The following ZNF805 variants were observed in gnomAD, a reference collection of about 807,000 sequenced individuals.
ZNF805 encodes CTC-444N24.8.
Under a neutral mutation model 13.6 loss-of-function variants are expected in ZNF805, and 7 were observed. The ratio of observed to expected loss-of-function variants is 0.51; its 90% CI spans 0.29 to 0.97. ZNF805 has a LOEUF of 0.97. Ranked by LOEUF, ZNF805 falls within the 50% of genes least tolerant of loss-of-function variation. The pLI is 0.08. For synonymous variants in ZNF805, 293 were observed against 279.8 expected, an observed-to-expected ratio of 1.05 and a Z score of -0.47; for missense variants, 604 against 771.0, an observed-to-expected ratio of 0.78 and a Z score of 2.57.
chr19:57,255,158 A>AAG lies in ZNF805; in HGVS notation c.*455_*456insAG, dbSNP rs939159756. 3 of 169,594 alleles carry AAG rather than the reference A, an allele frequency of 1.8e-5. No individual in the cohort carries two copies. The highest frequency in any genetic ancestry group is 7.2e-5 in the African/African-American group (3 of 41,462). The allele number at this position is 169,594 out of a possible 1,614,324, so 10.5% of individuals were successfully genotyped here. On this transcript the variant is annotated 3_prime_UTR_variant, in exon 4 of 4. Transcript: ENST00000414468. ...CGCACATTTTATTGTACCACTTAATACTGTTTAGGTCTTTGATTTTTTAAA... is the reference window on the plus strand; with the variant it reads ...CGCACATTTTATTGTACCACTTAATAAGCTGTTTAGGTCTTTGATTTTTTAAA...
At position 57,252,447 on chromosome 19, in the gene ZNF805, G is replaced by T. The variant is rs529712563; in HGVS notation, c.254-626G>T. ...TACAGACAAAGCATACAAATTAGAAGAGGACACGGGATGTGGGGCTGAAGG... is the reference window on the plus strand; with the variant it reads ...TACAGACAAAGCATACAAATTAGAATAGGACACGGGATGTGGGGCTGAAGG... On this transcript the variant is annotated intron_variant, in intron 3 of 3. Coordinates refer to ENST00000414468, the MANE Select transcript of ZNF805 (RefSeq NM_001023563.4). Among the ~76,000 whole-genome samples, 26 of 152,268 alleles carry T rather than the reference G, an allele frequency of 1.7e-4. 1 individual carries two copies. The highest frequency in any genetic ancestry group is 6.3e-4 in the African/African-American group (26 of 41,560).
intron 2 of ZNF805, among the ~76,000 whole-genome samples, chr19:57,245,638 G>A (rs2087611413): frequency 6.7e-6 from 1 of 150,214 alleles, no homozygotes. Context: ...AATTAGCCGG[G>A]CGTGGTGGCG....
At chr19:57,245,547 AGATG>A (rs1599987366) in intron 2 of ZNF805, among the ~76,000 whole-genome samples, 4 of 151,404 alleles carry the variant, frequency 2.6e-5, no homozygotes, top group Non-Finnish European at 5.9e-5. Context: ...TGGGAGGCCG[AGATG>A]GGCGGATCAC....
intron 3 of ZNF805, among the ~76,000 whole-genome samples, chr19:57,252,621 G>A (rs1599995002): frequency 2.0e-5 from 3 of 152,164 alleles, no homozygotes; most frequent in East Asian, 1.9e-4. Context: ...ACGGTTAATC[G>A]AGACATTGCC....
intron 1 of ZNF805, among the ~76,000 whole-genome samples, chr19:57,241,929 C>T (rs2087582467): frequency 6.6e-6 from 1 of 152,180 alleles, no homozygotes; most frequent in South Asian, 2.1e-4. Flanking sequence ...TATAGAGAAT[C>T]TGGCAAAGTT....
At chr19:57,246,418 C>T (rs2087619051) in intron 2 of ZNF805, among the ~76,000 whole-genome samples, 1 of 152,092 alleles carries the variant, frequency 6.6e-6, no homozygotes, top group Non-Finnish European at 1.5e-5. Context: ...CTGGATTTTC[C>T]ATTTACCAGA....
intron 2 of ZNF805, among the ~76,000 whole-genome samples, chr19:57,244,436 C>T (rs2087599138): frequency 6.6e-6 from 1 of 151,936 alleles, no homozygotes; most frequent in Non-Finnish European, 1.5e-5. Context: ...GTCTCAAACT[C>T]CTGACCTCAG....
intron 2 of ZNF805, among the ~76,000 whole-genome samples, chr19:57,245,643 G>C (rs577934131): frequency 5.1e-4 from 76 of 150,408 alleles, no homozygotes; most frequent in Non-Finnish European, 8.1e-4. Context: ...GCCGGGCGTG[G>C]TGGCGGGTGC....
chr19:57,253,182 G>A lies in ZNF805; in HGVS notation c.363G>A (p.Gln121=), dbSNP rs1012455438. 1.3e-6 allele frequency: 2 copies of A among 1,560,672 alleles called. No homozygotes were observed. Among genetic ancestry groups the A allele is most frequent in the South Asian group, 2.4e-5 (2 of 84,412 alleles). The stretch of plus-strand genomic sequence containing the variant: ...CACAAGGAGCTTCAGGGGACTCCCA[G>A]TTGGGGCAACCCAAGGATCAGGATG... ...QLTQGASGDS[Q]LGQPKDQDGF... The change falls in exon 4 of 4, where the codon CAG becomes CAA. Residue 121 remains glutamine (Q), a synonymous_variant. Transcript: ENST00000414468. The surrounding 1 kb of genome is among the most constrained non-coding windows in gnomAD (Gnocchi z 4.4).
At position 57,253,933 on chromosome 19, in the gene ZNF805, G is replaced by A. The variant is rs1433480706; in HGVS notation, c.1114G>A (p.Glu372Lys). The A allele has an allele frequency of 2.5e-6, 4 of 1,614,028 alleles. No individual in the cohort carries two copies. The highest frequency in any genetic ancestry group is 2.5e-6 in the Non-Finnish European group (3 of 1,180,030). ...GACTCATACCGGGGAGAAGCCCTAT[G>A]AGTGCAGTGAATGTGGGAAGGCCTT... ...QQTHTGEKPYECSECGKAFCE... is the reference protein window; with the variant it reads ...QQTHTGEKPYKCSECGKAFCE... Residue 372 changes from glutamate to lysine, a missense_variant, in exon 4 of 4, where the codon GAG becomes AAG. By Grantham distance (56) the Glu-to-Lys change is moderately conservative (BLOSUM62 1). Coordinates refer to ENST00000414468, the MANE Select transcript of ZNF805 (RefSeq NM_001023563.4). This position sits in a 1 kb window ranked among gnomAD's most constrained non-coding sequence, Gnocchi z 4.4.
chr19:57,259,223 C>T lies in ZNF805; in HGVS notation c.*4520C>T, dbSNP rs2087708613. 6.6e-6 allele frequency among the ~76,000 whole-genome samples: 1 copy of T among 152,020 alleles called. No individual in the cohort carries two copies. Among genetic ancestry groups the T allele is most frequent in the Non-Finnish European group, 1.5e-5 (1 of 68,004 alleles). The stretch of plus-strand genomic sequence containing the variant: ...TTTGCCAAATTTGGGAATTTTTAAC[C>T]ATTATTTCTTGAAATATTTTTTCAT... On this transcript the variant is annotated 3_prime_UTR_variant, in exon 4 of 4. Coordinates refer to ENST00000414468, the MANE Select transcript of ZNF805 (RefSeq NM_001023563.4).
chr19:57,249,113 A>C (rs979311740), intron 3 of ZNF805, among the ~76,000 whole-genome samples: 1 of 152,186 alleles, frequency 6.6e-6, no homozygotes, highest in African/African-American at 2.4e-5. Context: ...GGAACTCTGT[A>C]CCACACAGTT....
At position 57,253,473 on chromosome 19, in the gene ZNF805, T is replaced by C; in HGVS notation, c.654T>C (p.Leu218=). Residue 218 remains leucine, a synonymous_variant, in exon 4 of 4, where the codon CTT becomes CTC. Coordinates refer to ENST00000414468, the MANE Select transcript of ZNF805 (RefSeq NM_001023563.4). This position sits in a 1 kb window ranked among gnomAD's most constrained non-coding sequence, Gnocchi z 4.4. ...CEKVFNKKRL[L]ARHERIHSGV... is the part of the protein sequence containing the mutation. The stretch of plus-strand genomic sequence containing the variant: ...AAGTGTTTAACAAGAAACGCCTGCT[T>C]GCTCGGCATGAGAGGATTCACTCTG... 1 of 1,599,062 alleles carries C rather than the reference T, an allele frequency of 6.3e-7. No individual in the cohort carries two copies. The highest frequency in any genetic ancestry group is 8.5e-7 in the Non-Finnish European group (1 of 1,172,040).
Position 57,253,809 on chromosome 19 carries a change from C to T in ZNF805, c.990C>T (p.Phe330=). Residue 330 remains phenylalanine (F), a synonymous_variant, in exon 4 of 4, where the codon TTC becomes TTT. Transcript: ENST00000414468. The surrounding 1 kb of genome is among the most constrained non-coding windows in gnomAD (Gnocchi z 4.4). ...CGKAFRDRPG[F]IRHYIIHSGE... is the part of the protein sequence containing the mutation. Reference sequence around the variant, plus strand: ...AAGCCTTTCGAGATAGGCCAGGTTTCATTCGACACTACATCATCCACAGTG... The same window carrying T: ...AAGCCTTTCGAGATAGGCCAGGTTTTATTCGACACTACATCATCCACAGTG... The T allele has an allele frequency of 6.2e-7, 1 of 1,613,946 alleles. No individual in the cohort carries two copies. Among genetic ancestry groups the T allele is most frequent in the Non-Finnish European group, 8.5e-7 (1 of 1,179,980 alleles).
chr19:57,253,511 A>G lies in ZNF805; in HGVS notation c.692A>G (p.Tyr231Cys), dbSNP rs750879809. 3.1e-6 allele frequency: 5 copies of G among 1,610,862 alleles called. No individual in the cohort carries two copies. Among genetic ancestry groups the G allele is most frequent in the African/African-American group, 1.3e-5 (1 of 75,036 alleles). The change falls in exon 4 of 4, where the codon TAT (tyrosine) becomes TGT (cysteine). Residue 231 changes from tyrosine (Y) to cysteine (C), a missense_variant. By Grantham distance (194) the Tyr-to-Cys change is radical. Coordinates refer to ENST00000414468, the MANE Select transcript of ZNF805 (RefSeq NM_001023563.4). This position sits in a 1 kb window ranked among gnomAD's most constrained non-coding sequence, Gnocchi z 4.4. ...AGGATTCACTCTGGAGTGAAGCCCT[A>G]TGAATGCACAGAGTGTGGAAAAACC... is the stretch of plus-strand genomic sequence containing the variant. ...HERIHSGVKPYECTECGKTFS... is the reference protein window; with the variant it reads ...HERIHSGVKPCECTECGKTFS...
At position 57,254,178 on chromosome 19, in the gene ZNF805, A is replaced by G. The variant is rs779715867; in HGVS notation, c.1359A>G (p.Lys453=). The G allele has an allele frequency of 1.9e-5, 30 of 1,611,084 alleles. No individual in the cohort carries two copies. The highest frequency in any genetic ancestry group is 6.7e-5 in the East Asian group (3 of 44,728). The change falls in exon 4 of 4, where the codon AAA becomes AAG. Residue 453 remains lysine (K), a synonymous_variant. Transcript: ENST00000414468. ...ATAAAAGGGCCCACACTGGAGAAAAACCTTTCGAGTGCAAAGAGTGTGGGA... is the reference window on the plus strand; with the variant it reads ...ATAAAAGGGCCCACACTGGAGAAAAGCCTTTCGAGTGCAAAGAGTGTGGGA... The part of the protein sequence containing the change: ...ILHKRAHTGE[K]PFECKECGKA...
chr19:57,241,140 G>C (rs1165870128), intron 1 of ZNF805, among the ~76,000 whole-genome samples: 2 of 152,088 alleles, frequency 1.3e-5, no homozygotes, highest in Non-Finnish European at 2.9e-5. Context: ...CGATTATAGG[G>C]CTGTGACGTA....
At position 57,240,794 on chromosome 19, in the gene ZNF805, C is replaced by A; in HGVS notation, c.-98C>A. 8.1e-7 allele frequency: 1 copy of A among 1,228,520 alleles called. No homozygotes were observed. Among genetic ancestry groups the A allele is most frequent in the Non-Finnish European group, 1.1e-6 (1 of 891,908 alleles). The allele number at this position is 1,228,520 out of a possible 1,614,324, so 76.1% of individuals were successfully genotyped here. ...AGAGTTTGACTGTCAGCCAAGGTCA[C>A]CGGGCCCGGCGCAGGGAAGGGGTGG... is the stretch of plus-strand genomic sequence containing the variant. On this transcript the variant is annotated 5_prime_UTR_variant, in exon 1 of 4. Transcript: ENST00000414468.
intron 2 of ZNF805, among the ~76,000 whole-genome samples, chr19:57,244,589 GGA>G (rs1390014157): frequency 1.7e-5 from 2 of 116,246 alleles, no homozygotes; most frequent in Non-Finnish European, 4.1e-5. Context: ...CTCAGCCAAA[GGA>G]GAGAAGCTGG....
Sources: gnomAD v4.1 joint callset for allele counts (sites outside exome capture counted in the v4.1 genomes callset) on GRCh38, gnomAD v4.1.1 for gene constraint, Gnocchi (gnomAD v3.1) non-coding constraint, MANE v1.5 for transcripts, NCBI Gene and HGNC (gene_info 2026-07-23, HGNC 2026-07-21) for gene names.